The following DSCAM variants were observed in gnomAD, a reference collection of about 807,000 sequenced individuals.
DSCAM encodes the protein cell adhesion molecule DSCAM.
DSCAM carries 47 observed loss-of-function variants against 217.7 expected under a neutral mutation model. The observed-to-expected ratio is 0.22, with a 90% CI of 0.17 to 0.28. The LOEUF is 0.28. Ranked by LOEUF, DSCAM falls within the 10% of genes least tolerant of loss-of-function variation. The pLI, the probability that DSCAM is intolerant of heterozygous loss-of-function variation, is 1.00. For missense variants in DSCAM, 2,080 were observed against 2,618.3 expected (o/e 0.79, Z 4.49); for synonymous variants, 1,056 against 1,015.3 (o/e 1.04, Z -0.76).
chr21:40,254,326 T>C (rs2073343307), intron 11 of DSCAM, among the ~76,000 whole-genome samples: 1 of 152,110 alleles, frequency 6.6e-6, no homozygotes, highest in African/African-American at 2.4e-5. Context: ...ACAGTTTAAG[T>C]TGGACTGGCT....
rs555177625 is a variant in DSCAM at position 40,601,745 on chromosome 21, T to C, written c.508+91065A>G. On this transcript the variant is annotated intron_variant, in intron 3 of 32. Coordinates refer to ENST00000400454, the MANE Select transcript of DSCAM (RefSeq NM_001389.5). ...ATAAGTGCCGGTTTTACCAAATTCT[T>C]TTTTGCATCTGTTGTTATGATCATA... 3.2e-4 allele frequency among the ~76,000 whole-genome samples: 48 copies of C among 152,324 alleles called. No homozygotes were observed. The East Asian group carries it at 8.1e-3, about 26-fold the overall frequency.
intron 3 of DSCAM, among the ~76,000 whole-genome samples, chr21:40,659,495 T>C (rs1383494197): frequency 6.6e-6 from 1 of 152,194 alleles, no homozygotes; most frequent in Non-Finnish European, 1.5e-5. Context: ...CTACTATTTA[T>C]CTATTATCTA....
intron 8 of DSCAM, among the ~76,000 whole-genome samples, chr21:40,327,027 T>A (rs2123544780): frequency 6.6e-6 from 1 of 151,814 alleles, no homozygotes; most frequent in East Asian, 1.9e-4. Flanking sequence ...TTTTATTGAA[T>A]TTATATATTT....
chr21:40,281,245 A>G (rs1476262790), intron 10 of DSCAM, among the ~76,000 whole-genome samples: 2 of 152,250 alleles, frequency 1.3e-5, no homozygotes, highest in Non-Finnish European at 2.9e-5. Flanking sequence ...AAATAATAAT[A>G]GAACCTTCAT....
At chr21:40,380,259 CTAGT>C (rs1041120291) in intron 3 of DSCAM, among the ~76,000 whole-genome samples, 7 of 152,150 alleles carry the variant, frequency 4.6e-5, no homozygotes, top group African/African-American at 1.7e-4. Context: ...AATCTTTGCT[CTAGT>C]TAGATTTCTA....
intron 8 of DSCAM, among the ~76,000 whole-genome samples, chr21:40,323,033 C>T (rs1429237396): frequency 6.6e-6 from 1 of 152,106 alleles, no homozygotes; most frequent in African/African-American, 2.4e-5. Context: ...CCCACTTCAC[C>T]CAAGGACAGG....
chr21:40,165,317 A>G (rs2090582335), intron 16 of DSCAM, among the ~76,000 whole-genome samples: 1 of 152,210 alleles, frequency 6.6e-6, no homozygotes, highest in Non-Finnish European at 1.5e-5. Flanking sequence ...GGTGTCCTTT[A>G]AAAGCTCATT....
At chr21:40,450,149 A>T (rs901186196) in intron 3 of DSCAM, among the ~76,000 whole-genome samples, 2 of 152,070 alleles carry the variant, frequency 1.3e-5, no homozygotes, top group African/African-American at 4.8e-5. Context: ...TACTCATTTA[A>T]AAAAAAATTT....
intron 3 of DSCAM, among the ~76,000 whole-genome samples, chr21:40,655,626 T>A (rs751828748): frequency 1.1e-4 from 17 of 152,060 alleles, no homozygotes; most frequent in Admixed American, 4.6e-4. Flanking sequence ...TCTTTTTTTT[T>A]AATTTTTGTA....
At chr21:40,677,378 A>AAT (rs1411379007) in intron 3 of DSCAM, among the ~76,000 whole-genome samples, 2 of 152,004 alleles carry the variant, frequency 1.3e-5, no homozygotes, top group Non-Finnish European at 2.9e-5. Flanking sequence ...ATCCCTGGTT[A>AAT]ATCTGGGTAA....
chr21:40,605,796 T>G (rs1247843919), intron 3 of DSCAM, among the ~76,000 whole-genome samples: 1 of 116,150 alleles, frequency 8.6e-6, no homozygotes, highest in African/African-American at 3.4e-5. Context: ...ACATTCTTTT[T>G]TTTTTTTTTT....
chr21:40,256,644 C>T (rs1379893223), intron 11 of DSCAM, among the ~76,000 whole-genome samples: 1 of 152,134 alleles, frequency 6.6e-6, no homozygotes, highest in African/African-American at 2.4e-5. Flanking sequence ...TTTCTAAGGA[C>T]CTTTAATTGA....
At chr21:40,389,869 G>T (rs1454847245) in intron 3 of DSCAM, among the ~76,000 whole-genome samples, 1 of 152,224 alleles carries the variant, frequency 6.6e-6, no homozygotes, top group Non-Finnish European at 1.5e-5. Flanking sequence ...GAGAGAACAG[G>T]TGTGGACGTG....
intron 28 of DSCAM, among the ~76,000 whole-genome samples, chr21:40,061,435 G>T (rs2089118081): frequency 6.6e-6 from 1 of 152,050 alleles, no homozygotes; most frequent in Non-Finnish European, 1.5e-5. Flanking sequence ...CAGGCATGGT[G>T]GCGGGCGCCT....
chr21:40,404,144 C>T (rs1479730538), intron 3 of DSCAM, among the ~76,000 whole-genome samples: 2 of 152,184 alleles, frequency 1.3e-5, no homozygotes, highest in South Asian at 2.1e-4. Context: ...TCTGTGAACA[C>T]AAGTTCATGA....
intron 11 of DSCAM, among the ~76,000 whole-genome samples, chr21:40,239,478 G>C (rs952438109): frequency 2.6e-5 from 4 of 152,118 alleles, no homozygotes; most frequent in African/African-American, 9.7e-5. Context: ...GAAAGAAGAG[G>C]CTCCTTCTAA....
At chr21:40,178,220 A>G (rs1455982340) in intron 15 of DSCAM, among the ~76,000 whole-genome samples, 1 of 152,056 alleles carries the variant, frequency 6.6e-6, no homozygotes, top group Non-Finnish European at 1.5e-5. Flanking sequence ...AGTGGCTCGC[A>G]GTGTGTTAAG....
chr21:40,485,496 C>G (rs868050387), intron 3 of DSCAM, among the ~76,000 whole-genome samples: 1 of 152,050 alleles, frequency 6.6e-6, no homozygotes, highest in Non-Finnish European at 1.5e-5. Context: ...CCCGCCTCGG[C>G]CTCCCAAAGT....
At chr21:40,390,039 C>G (rs1172845683) in intron 3 of DSCAM, among the ~76,000 whole-genome samples, 1 of 152,194 alleles carries the variant, frequency 6.6e-6, no homozygotes, top group African/African-American at 2.4e-5. Context: ...CCACCCCACC[C>G]TGTCCCTTTC....
Sources: allele counts gnomAD v4.1 joint callset (sites outside exome capture counted in the v4.1 genomes callset), GRCh38; gene constraint gnomAD v4.1.1; transcripts MANE v1.5; gene names NCBI Gene and HGNC (gene_info 2026-07-23, HGNC 2026-07-21).